ZSWIM4: variants seen among roughly 807,000 people sequenced by gnomAD.
ZSWIM4 encodes zinc finger SWIM-type containing 4, also known as zinc finger SWIM domain-containing protein 4.
Under a neutral mutation model 102.5 loss-of-function variants are expected in ZSWIM4, and 62 were observed. The ratio of observed to expected loss-of-function variants is 0.60; its 90% CI spans 0.49 to 0.75. ZSWIM4 has a LOEUF of 0.75. Ranked by LOEUF, ZSWIM4 falls within the 30% of genes least tolerant of loss-of-function variation. The probability of loss-of-function intolerance (pLI) is 0.00; values close to 1 mark genes in which losing one functional copy is unlikely to be tolerated. For missense variants in ZSWIM4, 1,280 were observed against 1,529.6 expected (o/e 0.84, Z 2.72); for synonymous variants, 652 against 674.5 (o/e 0.97, Z 0.52).
chr19:13,819,221 C>A, intron 9 of ZSWIM4, 136 bp from the exon 10 acceptor site: 1 of 1,235,278 alleles, frequency 8.1e-7, no homozygotes, highest in Non-Finnish European at 1.1e-6. Flanking sequence ...AACCCCTACC[C>A]CAGAGACCCA....
intron 1 of ZSWIM4, chr19:13,796,828 T>C (rs1339150958): frequency 6.6e-6 from 1 of 152,354 alleles, no homozygotes; most frequent in Non-Finnish European, 1.5e-5. Flanking sequence ...CTCTATCCTC[T>C]GTCCAGCTTC....
intron 13 of ZSWIM4, among the ~76,000 whole-genome samples, chr19:13,829,345 C>T (rs573398394): frequency 6.6e-6 from 1 of 152,256 alleles, no homozygotes; most frequent in South Asian, 2.1e-4. Flanking sequence ...AATCCTAGCA[C>T]TTTGGGAGGC....
At chr19:13,819,787 C>A (rs1975412284) in intron 10 of ZSWIM4, among the ~76,000 whole-genome samples, 1 of 151,212 alleles carries the variant, frequency 6.6e-6, no homozygotes, top group South Asian at 2.1e-4. Flanking sequence ...CCTGCCTCAG[C>A]CTCCCGAGTG....
intron 10 of ZSWIM4, among the ~76,000 whole-genome samples, chr19:13,820,456 G>A (rs141679648): frequency 0.01 from 1,546 of 152,202 alleles, 21 homozygotes; most frequent in African/African-American, 0.036. Context: ...GGCTGGTCTC[G>A]AATTTCTGAG....
In ZSWIM4 at chr19:13,813,384, A is replaced by G. The variant is rs546284094; in HGVS notation, c.1180+220A>G. On this transcript the variant is annotated intron_variant, in intron 6 of 13. Coordinates refer to ENST00000590508, the MANE Select transcript of ZSWIM4 (RefSeq NM_001367834.3). ...AATGGCAGCCCAAGTGGGCAAGTGA[A>G]GTAAAATGCTTAAAACACCTGCAGT... 2.0e-5 allele frequency among the ~76,000 whole-genome samples: 3 copies of G among 152,300 alleles called. No individual in the cohort carries two copies. The South Asian group carries it at 6.2e-4, about 32-fold the overall frequency.
In ZSWIM4 at chr19:13,814,711, G is replaced by T; in HGVS notation, c.1377G>T (p.Trp459Cys). 7.8e-7 allele frequency: 1 copy of T among 1,288,116 alleles called. No individual in the cohort carries two copies. The highest frequency in any genetic ancestry group is 1.5e-5 in the African/African-American group (1 of 65,960). 79.8% of individuals were successfully genotyped at this position (1,288,116 alleles called of 1,614,324 possible). A position where few individuals can be genotyped will look rare whatever the true frequency, so the allele number is the denominator to read the frequency against. ...PTFDPQGRPL[W>C]LGEPFPTACA... The stretch of plus-strand genomic sequence containing the variant: ...TCGACCCCCAGGGCCGCCCACTGTG[G>T]CTGGGAGAACCTTTCCCCACTGCCT... The change falls in exon 7 of 14, where the codon TGG becomes TGT. Residue 459 changes from tryptophan (W) to cysteine (C), a missense_variant. Transcript: ENST00000590508.
In ZSWIM4 at chr19:13,830,892, C is replaced by T. The variant is rs1975749498; in HGVS notation, c.3163C>T (p.His1055Tyr). The change falls in exon 14 of 14, where the codon CAC becomes TAC. Residue 1055 changes from histidine (H) to tyrosine (Y), a missense_variant. Transcript: ENST00000590508. ...GCGCCTCACGCACATCAGCCCGCGG[C>T]ACTATGGGGATTTCATCGAATTCCT... ...HSRLTHISPR[H>Y]YGDFIEFLGK... 1 of 1,614,108 alleles carries T rather than the reference C, an allele frequency of 6.2e-7. No individual in the cohort carries two copies. The highest frequency in any genetic ancestry group is 1.7e-5 in the Admixed American group (1 of 60,008).
Position 13,814,839 on chromosome 19 carries a change from T to G in ZSWIM4, c.1505T>G (p.Leu502Arg). ...NTLRLQQRHQ[L>R]ESYKQQKKEL... ...CTCCGGCTGCAGCAGCGGCATCAGC[T>G]AGAGAGCTACAAGCAGCAGAAAAAA... The change falls in exon 7 of 14, where the codon CTA (leucine) becomes CGA (arginine). Residue 502 changes from leucine to arginine, a missense_variant. Transcript: ENST00000590508. The G allele has an allele frequency of 7.9e-7, 1 of 1,263,602 alleles. No individual in the cohort carries two copies. The highest frequency in any genetic ancestry group is 1.0e-6 in the Non-Finnish European group (1 of 968,566). The allele number at this position is 1,263,602 out of a possible 1,614,324, so 78.3% of individuals were successfully genotyped here.
rs1975745061 is a variant in ZSWIM4 at position 13,830,797 on chromosome 19, G to A, written c.3068G>A (p.Gly1023Asp). 4.4e-6 allele frequency: 7 copies of A among 1,605,210 alleles called. No individual in the cohort carries two copies. The highest frequency in any genetic ancestry group is 6.0e-6 in the Non-Finnish European group (7 of 1,175,250). Residue 1023 changes from glycine to aspartate, a missense_variant, in exon 14 of 14, where the codon GGT (glycine) becomes GAT (aspartate). Transcript: ENST00000590508. ...LGARRAAKPL[G>D]ADRAPLCQLL... is the part of the protein sequence containing the mutation. ...GCACGCCGGGCCGCCAAGCCACTGG[G>A]TGCCGACCGGGCGCCGCTCTGCCAG...
intron 3 of ZSWIM4, among the ~76,000 whole-genome samples, chr19:13,808,599 T>G (rs1315996336): frequency 1.3e-5 from 2 of 151,686 alleles, no homozygotes; most frequent in Admixed American, 6.6e-5. Context: ...ATTGGCAAAG[T>G]GTAGTGGGGC....
At chr19:13,797,457 C>T (rs1377887248) in intron 1 of ZSWIM4, among the ~76,000 whole-genome samples, 5 of 152,174 alleles carry the variant, frequency 3.3e-5, no homozygotes, top group Non-Finnish European at 7.3e-5. Context: ...GTGAATTCAT[C>T]CCACTAAGTC....
chr19:13,803,761 C>T (rs1357769892), intron 2 of ZSWIM4, among the ~76,000 whole-genome samples: 7 of 138,904 alleles, frequency 5.0e-5, no homozygotes, highest in South Asian at 2.4e-4. Flanking sequence ...GTCAAGATAG[C>T]GCCACTGCAC....
In ZSWIM4 at chr19:13,817,307, C is replaced by T; in HGVS notation, c.1623C>T (p.Leu541=). 1 of 1,614,058 alleles carries T rather than the reference C, an allele frequency of 6.2e-7. No individual in the cohort carries two copies. The highest frequency in any genetic ancestry group is 2.2e-5 in the East Asian group (1 of 44,870). ...LDPIGCLCRA[L]LEACRLEEET... ...CCATTGGCTGCCTCTGCAGGGCGCT[C>T]CTGGAGGCCTGTCGTCTGGAGGAGG... Residue 541 remains leucine, a synonymous_variant, in exon 8 of 14, where the codon CTC becomes CTT. Transcript: ENST00000590508.
At chr19:13,800,248 T>C (rs1281284285) in intron 2 of ZSWIM4, among the ~76,000 whole-genome samples, 76 of 26,198 alleles carry the variant, frequency 2.9e-3, no homozygotes, top group Non-Finnish European at 4.0e-3. Context: ...GTATTTCTTT[T>C]TTTTTTTTTT....
Position 13,817,945 on chromosome 19 carries a change from G to A in ZSWIM4, c.1893G>A (p.Val631=), listed in dbSNP as rs1470239904. ...EVELDERLVQ[V]LRKQAGLLLE... ...AGTTGGATGAGCGGTTGGTGCAGGT[G>A]CTGCGCAAGCAGGCGGGGCTGCTGC... Residue 631 remains valine (V), a synonymous_variant, in exon 9 of 14, where the codon GTG becomes GTA. Coordinates refer to ENST00000590508, the MANE Select transcript of ZSWIM4 (RefSeq NM_001367834.3). The A allele has an allele frequency of 2.0e-6, 3 of 1,532,210 alleles. No homozygotes were observed. The highest frequency in any genetic ancestry group is 2.6e-6 in the Non-Finnish European group (3 of 1,137,420). 94.9% of individuals were successfully genotyped at this position (1,532,210 alleles called of 1,614,324 possible). A position where few individuals can be genotyped will look rare whatever the true frequency, so the allele number is the denominator to read the frequency against.
chr19:13,808,590 T>C (rs1042726934), intron 3 of ZSWIM4, among the ~76,000 whole-genome samples: 4 of 151,562 alleles, frequency 2.6e-5, no homozygotes, highest in Non-Finnish European at 4.4e-5. Flanking sequence ...ACAAAAAAAA[T>C]TGGCAAAGTG....
chr19:13,802,167 G>A (rs552902044), intron 2 of ZSWIM4, among the ~76,000 whole-genome samples: 100 of 103,666 alleles, frequency 9.6e-4, no homozygotes, highest in South Asian at 6.5e-3. Context: ...TAGTAGAGAC[G>A]GCGTTTCACC....
At chr19:13,800,244 CTTTTTTTTTTTTTTTTTTTTT>C (rs750229248) in intron 2 of ZSWIM4, among the ~76,000 whole-genome samples, 16 of 27,510 alleles carry the variant, frequency 5.8e-4, no homozygotes, top group South Asian at 4.5e-3. Flanking sequence ...TTTTGTATTT[CTTTTTTTTTTTTTTTTTTTTT>C]TTTTTTTTTT....
chr19:13,812,020 A>G (rs1975109067), intron 5 of ZSWIM4, among the ~76,000 whole-genome samples: 1 of 152,080 alleles, frequency 6.6e-6, no homozygotes, highest in South Asian at 2.1e-4. Context: ...GGTTACAGTG[A>G]GCTGAGATTG....
Sources: gnomAD v4.1 joint callset for allele counts (sites outside exome capture counted in the v4.1 genomes callset) on GRCh38, gnomAD v4.1.1 for gene constraint, MANE v1.5 for transcripts, NCBI Gene and HGNC (gene_info 2026-07-23, HGNC 2026-07-21) for gene names.